Variants in TNC observed in about 807,000 individuals in gnomAD.
TNC encodes the protein tenascin C, also known as tenascin.
In TNC, 109 loss-of-function variants were observed where a neutral mutation model predicts 202.4. The observed-to-expected ratio is 0.54, with a 90% CI of 0.46 to 0.63. The LOEUF (loss-of-function observed/expected upper bound fraction) is 0.63, where lower values mean the gene tolerates loss of function less well. TNC is among the 30% of genes least tolerant of loss of function. TNC has a pLI of 0.00. For synonymous variants in TNC, 1,007 were observed against 1,089.7 expected (o/e 0.92, Z 1.50); for missense variants, 2,756 against 2,833.3 (o/e 0.97, Z 0.62).
At chr9:115,059,339 A>G (rs1060545) in intron 14 of TNC, among the ~76,000 whole-genome samples, 4 of 152,044 alleles carry the variant, frequency 2.6e-5, no homozygotes, top group Middle Eastern at 3.4e-3. Flanking sequence ...AGACTCTCAG[A>G]AGTAAATAAT....
At position 115,068,440 on chromosome 9, in the gene TNC, C is replaced by T. The variant is rs1271519119; in HGVS notation, c.3215-3521G>A. The stretch of plus-strand genomic sequence containing the variant: ...AAGTGCTGGCTTGATGAGGAACTCA[C>T]TTCAGCGTCCACTTAGGGGAGAAAG... On this transcript the variant is annotated intron_variant, in intron 10 of 27. Coordinates refer to ENST00000350763, the MANE Select transcript of TNC (RefSeq NM_002160.4). Among the ~76,000 whole-genome samples, 5 of 152,300 alleles carry T rather than the reference C, an allele frequency of 3.3e-5. No homozygotes were observed. In the East Asian group the frequency reaches 9.7e-4, roughly 29 times the overall value.
In TNC at chr9:115,021,287, G is replaced by A. The variant is rs767338247; in HGVS notation, c.6496-20C>T. The A allele has an allele frequency of 2.8e-5, 42 of 1,483,634 alleles. No homozygotes were observed. Among genetic ancestry groups the A allele is most frequent in the Non-Finnish European group, 3.4e-5 (37 of 1,079,958 alleles). The allele number at this position is 1,483,634 out of a possible 1,614,324, so 91.9% of individuals were successfully genotyped here. On this transcript the variant is annotated intron_variant, in intron 27 of 27. Transcript: ENST00000350763. ...AACGCCCTGTTAAAAAAAAAAAAGA[G>A]AGAGAGAGAGAGAGAGAGAAGGCCT...
intron 26 of TNC, among the ~76,000 whole-genome samples, chr9:115,025,738 G>A (rs1829428498): frequency 6.6e-6 from 1 of 152,210 alleles, no homozygotes; most frequent in Non-Finnish European, 1.5e-5. Flanking sequence ...GATGAATGCA[G>A]GTGGAATATC....
rs763096918 is a variant in TNC at position 115,021,143 on chromosome 9, G to C, written c.*14C>G. 7 of 1,603,608 alleles carry C rather than the reference G, an allele frequency of 4.4e-6. No individual in the cohort carries two copies. The highest frequency in any genetic ancestry group is 6.0e-6 in the Non-Finnish European group (7 of 1,170,688). On this transcript the variant is annotated 3_prime_UTR_variant, in exon 28 of 28. Transcript: ENST00000350763. ...CTGGGCCTTATTCCTCTCTCACCCA[G>C]TGGTCCCTGGAATTTATGCCCGTTT... is the stretch of plus-strand genomic sequence containing the variant.
intron 23 of TNC, 21 bp from the exon 24 acceptor site, chr9:115,030,426 G>C: frequency 6.2e-7 from 1 of 1,606,534 alleles, no homozygotes; most frequent in African/African-American, 1.3e-5. Context: ...AGGAGAAATG[G>C]TGATGCTCTC....
intron 27 of TNC, among the ~76,000 whole-genome samples, chr9:115,023,647 C>G (rs753665066): frequency 3.3e-5 from 5 of 152,172 alleles, no homozygotes; most frequent in Non-Finnish European, 5.9e-5. Flanking sequence ...TGTCATCAAC[C>G]CTGCTTCACC....
chr9:115,081,689 A>G (rs1834315008), intron 6 of TNC, 83 bp downstream of exon 6: 1 of 1,463,508 alleles, frequency 6.8e-7, no homozygotes, highest in Non-Finnish European at 9.5e-7. Flanking sequence ...TAGATGCTAT[A>G]TGAGAAGGCA....
chr9:115,037,910 T>C (rs1588025673), intron 20 of TNC, among the ~76,000 whole-genome samples: 2 of 152,362 alleles, frequency 1.3e-5, no homozygotes, highest in South Asian at 2.1e-4. Context: ...CAGTATGGCC[T>C]GAAGCGGTCT....
chr9:115,072,827 A>G (rs1833562805), intron 10 of TNC, among the ~76,000 whole-genome samples: 1 of 152,210 alleles, frequency 6.6e-6, no homozygotes, highest in Non-Finnish European at 1.5e-5. Flanking sequence ...AACATTTTCC[A>G]CCTATACATT....
At chr9:115,049,176 C>A (rs2132204436) in intron 15 of TNC, among the ~76,000 whole-genome samples, 1 of 152,104 alleles carries the variant, frequency 6.6e-6, no homozygotes, top group Non-Finnish European at 1.5e-5. Flanking sequence ...AGTTAGAAAA[C>A]AAGAACACAT....
chr9:115,103,841 A>G (rs903484620), intron 1 of TNC, among the ~76,000 whole-genome samples: 4 of 152,186 alleles, frequency 2.6e-5, no homozygotes, highest in African/African-American at 9.7e-5. Flanking sequence ...CTTGAACAGA[A>G]GTTCCATTAC....
intron 24 of TNC, 110 bp downstream of exon 24, chr9:115,030,144 A>G (rs2131643071): frequency 8.5e-7 from 1 of 1,170,332 alleles, no homozygotes; most frequent in Non-Finnish European, 1.2e-6. Context: ...GGCCTCACAC[A>G]TGGGGGTGTC....
intron 9 of TNC, among the ~76,000 whole-genome samples, chr9:115,075,770 C>T (rs879658906): frequency 9.9e-5 from 15 of 152,058 alleles, no homozygotes; most frequent in Admixed American, 7.2e-4. Flanking sequence ...GGTGGCAGAG[C>T]GATACTCCAT....
intron 1 of TNC, among the ~76,000 whole-genome samples, chr9:115,109,064 T>C (rs1326793993): frequency 1.3e-5 from 2 of 152,228 alleles, no homozygotes; most frequent in African/African-American, 4.8e-5. Context: ...ACATATGAGC[T>C]GTGCATTTCC....
In TNC at chr9:115,026,629, T is replaced by A; in HGVS notation, c.6236A>T (p.His2079Leu). Residue 2079 changes from histidine to leucine, a missense_variant, in exon 26 of 28, where the codon CAT becomes CTT. By Grantham distance (99) the His-to-Leu change is moderately conservative. Around this residue, in one of 2 missense-constraint regions of TNC, gnomAD observed 197 missense variants for 287.3 expected, o/e 0.69. Transcript: ENST00000350763. ...ATAGACAGCAAAGGCTGTCTCCCCA[T>A]GGTCCCGCAGGTCCACCCGGAGCTC... ...QYELRVDLRD[H>L]GETAFAVYDK... 6.2e-7 allele frequency: 1 copy of A among 1,614,022 alleles called. No individual in the cohort carries two copies. Among genetic ancestry groups the A allele is most frequent in the Non-Finnish European group, 8.5e-7 (1 of 1,179,982 alleles).
chr9:115,051,537 C>CTTTTTTTTTTTTTTTT (rs5900117), intron 15 of TNC, among the ~76,000 whole-genome samples: 1 of 131,302 alleles, frequency 7.6e-6, no homozygotes, highest in Admixed American at 7.8e-5. Context: ...TCTTTTTTTT[C>CTTTTTTTTTTTTTTTT]TTTTTTTTTT....
At chr9:115,038,837 C>CT (rs1044659061) in intron 19 of TNC, among the ~76,000 whole-genome samples, 47 of 151,372 alleles carry the variant, frequency 3.1e-4, no homozygotes, top group African/African-American at 5.1e-4. Context: ...TTTTTCTTTT[C>CT]TTTTTTTTGA....
chr9:115,055,067 C>T (rs1358922081), intron 15 of TNC, among the ~76,000 whole-genome samples: 1 of 102,590 alleles, frequency 9.7e-6, no homozygotes, highest in Non-Finnish European at 2.2e-5. Context: ...ATCTTTCTGA[C>T]CAAGTCACCA....
chr9:115,050,042 T>C (rs951523097), intron 15 of TNC, among the ~76,000 whole-genome samples: 5 of 152,178 alleles, frequency 3.3e-5, no homozygotes, highest in Non-Finnish European at 7.4e-5. Context: ...GGATGAAATC[T>C]CTTATACTGG....
Sources: allele counts gnomAD v4.1 joint callset (sites outside exome capture counted in the v4.1 genomes callset), GRCh38; gene constraint gnomAD v4.1.1; regional missense constraint gnomAD v4.1.1; transcripts MANE v1.5; gene names NCBI Gene and HGNC (gene_info 2026-07-23, HGNC 2026-07-21).